Variants in TRAPPC9 observed in about 807,000 individuals in gnomAD.
TRAPPC9 encodes trafficking protein particle complex subunit 9.
TRAPPC9 carries 83 observed loss-of-function variants against 124.0 expected under a neutral mutation model. The ratio of observed to expected loss-of-function variants is 0.67; its 90% CI spans 0.56 to 0.80. The LOEUF is 0.80. TRAPPC9 is among the 30% of genes least tolerant of loss of function. The pLI, the probability that TRAPPC9 is intolerant of heterozygous loss-of-function variation, is 0.00. For synonymous variants in TRAPPC9, 638 were observed against 617.5 expected, an observed-to-expected ratio of 1.03 and a Z score of -0.49; for missense variants, 1,302 against 1,508.3, an observed-to-expected ratio of 0.86 and a Z score of 2.27.
intron 21 of TRAPPC9, among the ~76,000 whole-genome samples, chr8:139,815,505 AG>A (rs1824767525): frequency 6.6e-6 from 1 of 151,490 alleles, no homozygotes; most frequent in Non-Finnish European, 1.5e-5. Context: ...CTCCCACCTC[AG>A]CTTCCCAAGT....
At chr8:140,183,890 AGGAGAGGAGAGGAGAGGAGAGG>A (rs1563825902) in intron 17 of TRAPPC9, among the ~76,000 whole-genome samples, 1 of 16,288 alleles carries the variant, frequency 6.1e-5, no homozygotes, top group Non-Finnish European at 1.4e-4. Context: ...GAAGAAGAAG[AGGAGAGGAGAGGAGAGGAGAGG>A]AGAGGAGAGG....
chr8:140,003,420 C>A (rs1157218656), intron 18 of TRAPPC9, among the ~76,000 whole-genome samples: 1 of 151,764 alleles, frequency 6.6e-6, no homozygotes, highest in African/African-American at 2.4e-5. Flanking sequence ...ACAACAAAAA[C>A]CAAAACCTCG....
intron 20 of TRAPPC9, among the ~76,000 whole-genome samples, chr8:139,894,828 A>C (rs1489694372): frequency 6.6e-6 from 1 of 152,196 alleles, no homozygotes; most frequent in African/African-American, 2.4e-5. Context: ...AGTCACGCTC[A>C]GAGCAGTGAC....
chr8:139,801,055 TC>T (rs1392581552), intron 21 of TRAPPC9, among the ~76,000 whole-genome samples: 16 of 126,662 alleles, frequency 1.3e-4, no homozygotes, highest in African/African-American at 8.5e-4. Context: ...TCCGGCACCT[TC>T]CCTCCCTCCA....
chr8:139,753,862 C>T (rs1053663957), intron 21 of TRAPPC9, among the ~76,000 whole-genome samples: 10 of 152,202 alleles, frequency 6.6e-5, no homozygotes, highest in African/African-American at 2.4e-4. Context: ...CCCCTCTCCT[C>T]GCCTGTGTTG....
intron 8 of TRAPPC9, among the ~76,000 whole-genome samples, chr8:140,364,961 C>T (rs1350126209): frequency 6.6e-6 from 1 of 150,550 alleles, no homozygotes; most frequent in African/African-American, 2.4e-5. Flanking sequence ...AGGGCAGACC[C>T]CTCCCTGGCC....
intron 21 of TRAPPC9, among the ~76,000 whole-genome samples, chr8:139,840,848 CAG>C (rs1266853403): frequency 6.6e-6 from 1 of 152,198 alleles, no homozygotes; most frequent in African/African-American, 2.4e-5. Flanking sequence ...TGCCCATGAA[CAG>C]AGTTTTCTGC....
chr8:140,277,081 G>C (rs6986857), intron 14 of TRAPPC9, among the ~76,000 whole-genome samples: 41,599 of 152,062 alleles, frequency 0.27, 6,787 homozygotes, highest in Non-Finnish European at 0.36. Context: ...AGTCGGATCT[G>C]CTTCCCACGC....
chr8:140,153,834 C>A (rs909143684), intron 17 of TRAPPC9, among the ~76,000 whole-genome samples: 1 of 152,208 alleles, frequency 6.6e-6, no homozygotes, highest in Non-Finnish European at 1.5e-5. Flanking sequence ...CCAGGATCTG[C>A]CCTGAGCCCA....
intron 17 of TRAPPC9, among the ~76,000 whole-genome samples, chr8:140,106,388 C>T (rs543839256): frequency 6.6e-6 from 1 of 152,354 alleles, no homozygotes; most frequent in South Asian, 2.1e-4. Flanking sequence ...CAAAACTAGA[C>T]AAGATGCCTG....
intron 5 of TRAPPC9, among the ~76,000 whole-genome samples, chr8:140,422,928 A>C (rs940445566): frequency 2.0e-5 from 3 of 152,176 alleles, no homozygotes; most frequent in Non-Finnish European, 4.4e-5. Context: ...CCAAAACTAC[A>C]ATGAGACACC....
intron 15 of TRAPPC9, among the ~76,000 whole-genome samples, chr8:140,273,078 A>C (rs1465199094): frequency 1.3e-5 from 2 of 152,154 alleles, no homozygotes; most frequent in East Asian, 1.9e-4. Context: ...TATTTTACAG[A>C]ACAGTAGGGC....
intron 21 of TRAPPC9, among the ~76,000 whole-genome samples, chr8:139,783,778 T>C (rs1449702277): frequency 1.3e-5 from 2 of 152,186 alleles, no homozygotes; most frequent in African/African-American, 2.4e-5. Context: ...CCAACATATA[T>C]GAAAACATAA....
At chr8:139,873,886 A>G (rs1210223439) in intron 21 of TRAPPC9, among the ~76,000 whole-genome samples, 1 of 152,218 alleles carries the variant, frequency 6.6e-6, no homozygotes, top group Non-Finnish European at 1.5e-5. Context: ...CCCAGCCACC[A>G]TGGTGCCACA....
At chr8:139,967,210 T>C (rs73725346) in intron 19 of TRAPPC9, among the ~76,000 whole-genome samples, 3,561 of 152,256 alleles carry the variant, frequency 0.023, 130 homozygotes, top group African/African-American at 0.08. Context: ...CATGAGCAAT[T>C]CTTGGGTCCT....
intron 9 of TRAPPC9, 78 bp from the exon 10 acceptor site, chr8:140,311,452 T>A (rs1003213061): frequency 2.6e-6 from 4 of 1,556,876 alleles, no homozygotes; most frequent in Non-Finnish European, 3.5e-6. Context: ...ACTTGGGGCA[T>A]TTCATGACAG....
chr8:140,359,703 T>A (rs73713109), intron 9 of TRAPPC9, among the ~76,000 whole-genome samples: 1 of 152,148 alleles, frequency 6.6e-6, no homozygotes, highest in African/African-American at 2.4e-5. Context: ...TCTATGTAAA[T>A]GTTATGCTTT....
intron 19 of TRAPPC9, among the ~76,000 whole-genome samples, chr8:139,913,674 C>T (rs1831909457): frequency 6.6e-6 from 1 of 152,332 alleles, no homozygotes; most frequent in African/African-American, 2.4e-5. Flanking sequence ...ATGGCCGACG[C>T]TGGCAAAAAT....
intron 21 of TRAPPC9, among the ~76,000 whole-genome samples, chr8:139,751,243 T>C (rs933945923): frequency 2.0e-5 from 3 of 152,196 alleles, no homozygotes; most frequent in African/African-American, 7.2e-5. Context: ...TTCTTGGCTG[T>C]GCAATGATCA....
Sources: allele counts gnomAD v4.1 joint callset (sites outside exome capture counted in the v4.1 genomes callset), GRCh38; gene constraint gnomAD v4.1.1; transcripts MANE v1.5; gene names NCBI Gene and HGNC (gene_info 2026-07-23, HGNC 2026-07-21).